Variants in AMOTL1 observed in about 807,000 individuals in gnomAD.
The protein encoded by AMOTL1 is angiomotin like 1.
In AMOTL1, 45 loss-of-function variants were observed where a neutral mutation model predicts 102.9. That is an observed-to-expected ratio of 0.44 (90% CI 0.34 to 0.56). The LOEUF is 0.56. Ranked by LOEUF, AMOTL1 falls within the 20% of genes least tolerant of loss-of-function variation. AMOTL1 has a pLI of 0.01. For synonymous variants in AMOTL1, 481 were observed against 484.7 expected (o/e 0.99, Z 0.10); for missense variants, 1,114 against 1,225.6 (o/e 0.91, Z 1.36).
intron 3 of AMOTL1, among the ~76,000 whole-genome samples, chr11:94,803,643 CTT>C (rs1397508732): frequency 6.6e-6 from 1 of 152,194 alleles, no homozygotes; most frequent in Admixed American, 6.5e-5. Context: ...ACTTATGACT[CTT>C]TGTGGAAACA....
rs1394953615 is a variant in AMOTL1, at chr11:94,871,597, C to T, written c.*802C>T. 6.6e-6 allele frequency: 1 copy of T among 152,070 alleles called. No individual in the cohort carries two copies. Among genetic ancestry groups the T allele is most frequent in the African/African-American group, 2.4e-5 (1 of 41,392 alleles). The allele number at this position is 152,070 out of a possible 1,614,324, so 9.4% of individuals were successfully genotyped here. ...AGTACCTGAACTGTCATCATTCCTACTGTGTTTGATAGTGACCAGTAGGAC... is the reference window on the plus strand; with the variant it reads ...AGTACCTGAACTGTCATCATTCCTATTGTGTTTGATAGTGACCAGTAGGAC... On this transcript the variant is annotated 3_prime_UTR_variant, in exon 13 of 13. Transcript: ENST00000433060.
chr11:94,759,895 C>G (rs1309275923), intron 3 of AMOTL1, among the ~76,000 whole-genome samples: 1 of 152,222 alleles, frequency 6.6e-6, no homozygotes, highest in African/African-American at 2.4e-5. Context: ...TATAGGCCCT[C>G]AAATATCCTA....
chr11:94,758,810 G>T (rs1950758741), intron 3 of AMOTL1, among the ~76,000 whole-genome samples: 1 of 152,122 alleles, frequency 6.6e-6, no homozygotes, highest in African/African-American at 2.4e-5. Flanking sequence ...GAACTCATTT[G>T]CTCACTCCTT....
At chr11:94,761,609 T>C (rs746617583) in intron 3 of AMOTL1, among the ~76,000 whole-genome samples, 15 of 152,248 alleles carry the variant, frequency 9.9e-5, no homozygotes, top group Non-Finnish European at 2.1e-4. Context: ...TGATACTGGC[T>C]CTATGGCTGA....
At chr11:94,782,598 T>G (rs1291533879) in intron 1 of AMOTL1, among the ~76,000 whole-genome samples, 2 of 152,208 alleles carry the variant, frequency 1.3e-5, no homozygotes, top group Non-Finnish European at 2.9e-5. Flanking sequence ...CAGAGGAGTA[T>G]CCATGAAAAG....
chr11:94,776,784 T>C (rs1331554915), intron 1 of AMOTL1, among the ~76,000 whole-genome samples: 1 of 152,220 alleles, frequency 6.6e-6, no homozygotes, highest in Non-Finnish European at 1.5e-5. Flanking sequence ...GAACCAAGTG[T>C]TTTGTGAGCA....
At chr11:94,717,818 G>T (rs10831272) in intron 1 of AMOTL1, among the ~76,000 whole-genome samples, 2 of 151,200 alleles carry the variant, frequency 1.3e-5, no homozygotes, top group African/African-American at 4.9e-5. Flanking sequence ...AGTACATTCA[G>T]TACAAAGAAA....
intron 11 of AMOTL1, among the ~76,000 whole-genome samples, chr11:94,868,058 G>A (rs1952918385): frequency 6.6e-6 from 1 of 152,224 alleles, no homozygotes. Flanking sequence ...TGGACCAGTG[G>A]CACCAGCACC....
At chr11:94,770,348 A>C (rs1950928866) in intron 1 of AMOTL1, among the ~76,000 whole-genome samples, 1 of 152,168 alleles carries the variant, frequency 6.6e-6, no homozygotes, top group African/African-American at 2.4e-5. Context: ...GTGGAAAAGC[A>C]CTGATTTGAC....
intron 1 of AMOTL1, among the ~76,000 whole-genome samples, chr11:94,711,032 C>A (rs1045158977): frequency 1.3e-5 from 2 of 152,138 alleles, no homozygotes; most frequent in African/African-American, 2.4e-5. Flanking sequence ...TTTAGGTTTA[C>A]CAGTATACAG....
At chr11:94,858,904 AATGAGCTTGCCTT>A (rs1482903277) in intron 8 of AMOTL1, among the ~76,000 whole-genome samples, 1 of 152,196 alleles carries the variant, frequency 6.6e-6, no homozygotes, top group African/African-American at 2.4e-5. Context: ...AAGGCCGAAA[AATGAGCTTGCCTT>A]ATGCTAGAGG....
chr11:94,761,269 A>C (rs1185896956), intron 3 of AMOTL1, among the ~76,000 whole-genome samples: 3 of 149,904 alleles, frequency 2.0e-5, no homozygotes, highest in Non-Finnish European at 4.4e-5. Context: ...GCTCACTGCA[A>C]CCTCCGCCTC....
rs184308517 is a variant in AMOTL1 at position 94,865,163 on chromosome 11, A to G, written c.2261+303A>G. 1.4e-3 allele frequency among the ~76,000 whole-genome samples: 219 copies of G among 152,332 alleles called. 1 individual carries two copies. The highest frequency in any genetic ancestry group is 5.0e-3 in the African/African-American group (207 of 41,574). ...ATGTCTGTGTTATTTCTTGGTGTCT[A>G]TCTCTATGACATTATGAGCTGAAAG... On this transcript the variant is annotated intron_variant, in intron 10 of 12. Coordinates refer to ENST00000433060, the MANE Select transcript of AMOTL1 (RefSeq NM_130847.3).
intron 3 of AMOTL1, among the ~76,000 whole-genome samples, chr11:94,814,546 A>G: frequency 6.6e-6 from 1 of 152,190 alleles, no homozygotes; most frequent in African/African-American, 2.4e-5. Context: ...GGAACAGGAC[A>G]ATTTCACAGA....
chr11:94,782,321 A>G (rs1334126609), intron 1 of AMOTL1, among the ~76,000 whole-genome samples: 1 of 152,228 alleles, frequency 6.6e-6, no homozygotes, highest in African/African-American at 2.4e-5. Flanking sequence ...TAATTTTGGA[A>G]TTTTTGGAAA....
upstream of AMOTL1, among the ~76,000 whole-genome samples, chr11:94,766,812 G>C (rs1298362693): frequency 6.6e-6 from 1 of 152,116 alleles, no homozygotes; most frequent in African/African-American, 2.4e-5. Context: ...TTCTTCATCC[G>C]GCAAGTGAAA....
chr11:94,821,915 A>G lies in AMOTL1; in HGVS notation c.1413+94A>G, dbSNP rs1951875292. 3 of 1,495,232 alleles carry G rather than the reference A, an allele frequency of 2.0e-6. No homozygotes were observed. The Admixed American group carries it at 5.5e-5, about 27-fold the overall frequency. 92.6% of individuals were successfully genotyped at this position (1,495,232 alleles called of 1,614,324 possible). A position where few individuals can be genotyped will look rare whatever the true frequency, so the allele number is the denominator to read the frequency against. ...GACTGACTTGCCAACATTGCAGTAG[A>G]CCCCTTTTTATACTAGGCCCTGTGC... On this transcript the variant is annotated intron_variant, in intron 4 of 12. Coordinates refer to ENST00000433060, the MANE Select transcript of AMOTL1 (RefSeq NM_130847.3).
chr11:94,715,572 C>T (rs1441831199), intron 1 of AMOTL1, among the ~76,000 whole-genome samples: 1 of 152,046 alleles, frequency 6.6e-6, no homozygotes, highest in Non-Finnish European at 1.5e-5. Flanking sequence ...TTTTCCTTTG[C>T]CTGATAATGT....
At chr11:94,827,744 A>T (rs1184472632) in intron 4 of AMOTL1, among the ~76,000 whole-genome samples, 3 of 152,184 alleles carry the variant, frequency 2.0e-5, no homozygotes, top group Admixed American at 2.0e-4. Flanking sequence ...GGCTGCCGCT[A>T]AGCAGAAGCC....
Sources: allele counts gnomAD v4.1 joint callset (sites outside exome capture counted in the v4.1 genomes callset), GRCh38; gene constraint gnomAD v4.1.1; transcripts MANE v1.5; gene names NCBI Gene and HGNC (gene_info 2026-07-23, HGNC 2026-07-21).